Variants in BHLHE40 observed in about 807,000 individuals in gnomAD.
The protein encoded by BHLHE40 is basic helix-loop-helix family member e40, also known as class E basic helix-loop-helix protein 40.
Under a neutral mutation model 35.7 loss-of-function variants are expected in BHLHE40, and 3 were observed. The observed-to-expected ratio is 0.08, with a 90% CI of 0.04 to 0.22. The LOEUF is 0.22. Ranked by LOEUF, BHLHE40 falls within the 10% of genes least tolerant of loss-of-function variation. The pLI, the probability that BHLHE40 is intolerant of heterozygous loss-of-function variation, is 1.00. For missense variants in BHLHE40, 486 were observed against 524.0 expected, an observed-to-expected ratio of 0.93 and a Z score of 0.71; for synonymous variants, 236 against 213.0, an observed-to-expected ratio of 1.11 and a Z score of -0.94.
At chr3:4,980,665 G>A (rs920079232) in intron 3 of BHLHE40, among the ~76,000 whole-genome samples, 23 of 152,124 alleles carry the variant, frequency 1.5e-4, no homozygotes, top group African/African-American at 5.6e-4. Flanking sequence ...TTAACTTCTG[G>A]TGATTTTCAG....
Position 4,983,400 on chromosome 3 carries a change from C to A in BHLHE40, c.947C>A (p.Pro316Gln), listed in dbSNP as rs780871146. ...LISSPFLGPH[P>Q]HQPPFCLPFY... is the part of the protein sequence containing the mutation. ...AGCTCCCCGTTCCTGGGCCCACACCCACACCAGCCTCCTTTCTGCCTGCCC... is the reference window on the plus strand; with the variant it reads ...AGCTCCCCGTTCCTGGGCCCACACCAACACCAGCCTCCTTTCTGCCTGCCC... Residue 316 changes from proline (P) to glutamine (Q), a missense_variant, in exon 5 of 5, where the codon CCA becomes CAA. Physicochemically the swap from Pro to Gln is moderately conservative, Grantham distance 76. Coordinates refer to ENST00000256495, the MANE Select transcript of BHLHE40 (RefSeq NM_003670.3). This position sits in a 1 kb window ranked among gnomAD's most constrained non-coding sequence, Gnocchi z 5.0. The A allele has an allele frequency of 2.7e-5, 44 of 1,614,098 alleles. No homozygotes were observed. The highest frequency in any genetic ancestry group is 3.6e-5 in the Non-Finnish European group (43 of 1,180,048).
chr3:4,983,892 G>A lies in BHLHE40; in HGVS notation c.*200G>A. The stretch of plus-strand genomic sequence containing the variant: ...CGTGCACATGTGTGCCTGCGTGTTG[G>A]TATAGGACTTTAAAGCTCCTTTTGG... On this transcript the variant is annotated 3_prime_UTR_variant, in exon 5 of 5. Coordinates refer to ENST00000256495, the MANE Select transcript of BHLHE40 (RefSeq NM_003670.3). The surrounding 1 kb of genome is among the most constrained non-coding windows in gnomAD (Gnocchi z 5.0). 1.4e-6 allele frequency: 1 copy of A among 706,278 alleles called. No individual in the cohort carries two copies. Among genetic ancestry groups the A allele is most frequent in the Admixed American group, 3.3e-5 (1 of 30,454 alleles). The allele number at this position is 706,278 out of a possible 1,614,324, so 43.8% of individuals were successfully genotyped here.
At chr3:4,980,100 T>G in intron 2 of BHLHE40, 69 bp downstream of exon 2, 1 of 1,559,352 alleles carries the variant, frequency 6.4e-7, no homozygotes, top group Non-Finnish European at 8.8e-7. Context: ...AAGAAAAGTT[T>G]TCTCGCTTTG....
Position 4,979,686 on chromosome 3 carries a change from C to G in BHLHE40, c.-33C>G. The G allele has an allele frequency of 6.5e-7, 1 of 1,549,398 alleles. No homozygotes were observed. The highest frequency in any genetic ancestry group is 8.7e-7 in the Non-Finnish European group (1 of 1,146,304). On this transcript the variant is annotated 5_prime_UTR_variant, in exon 1 of 5. Transcript: ENST00000256495. ...CATCCAGACGCTCCGCTAGTGCAGA[C>G]AGGAGCGCGCAGTGGCCCCGGCTCG...
intron 3 of BHLHE40, 129 bp from the exon 4 acceptor site, chr3:4,981,263 A>G (rs1356648524): frequency 2.7e-6 from 3 of 1,117,848 alleles, no homozygotes; most frequent in Non-Finnish European, 2.5e-6. Context: ...TGACCTACAG[A>G]CTTAAAACAG....
rs1463604009 is a variant in BHLHE40 at position 4,983,852 on chromosome 3, G to GTGTGTGTA, written c.*163_*164insGTGTATGT. 1.2e-5 allele frequency: 11 copies of GTGTGTGTA among 951,636 alleles called. No individual in the cohort carries two copies. The highest frequency in any genetic ancestry group is 3.0e-4 in the Middle Eastern group (1 of 3,300). The allele number at this position is 951,636 out of a possible 1,614,324, so 58.9% of individuals were successfully genotyped here. On this transcript the variant is annotated 3_prime_UTR_variant, in exon 5 of 5. Coordinates refer to ENST00000256495, the MANE Select transcript of BHLHE40 (RefSeq NM_003670.3). This position sits in a 1 kb window ranked among gnomAD's most constrained non-coding sequence, Gnocchi z 5.0. ...AGGGTGTGTGTGTGTGTGTGTGTGTGTGTATGTGCGTGTGCGTGCACATGT... is the reference window on the plus strand; with the variant it reads ...AGGGTGTGTGTGTGTGTGTGTGTGTGTGTGTGTATGTATGTGCGTGTGCGTGCACATGT...
chr3:4,983,852 G>GTGTA lies in BHLHE40; in HGVS notation c.*164_*167dup. On this transcript the variant is annotated 3_prime_UTR_variant, in exon 5 of 5. Transcript: ENST00000256495. This position sits in a 1 kb window ranked among gnomAD's most constrained non-coding sequence, Gnocchi z 5.0. ...AGGGTGTGTGTGTGTGTGTGTGTGTGTGTATGTGCGTGTGCGTGCACATGT... is the reference window on the plus strand; with the variant it reads ...AGGGTGTGTGTGTGTGTGTGTGTGTGTGTATGTATGTGCGTGTGCGTGCACATGT... 7.4e-6 allele frequency: 7 copies of GTGTA among 951,728 alleles called. No individual in the cohort carries two copies. The highest frequency in any genetic ancestry group is 1.1e-5 in the Non-Finnish European group (7 of 655,330). The allele number at this position is 951,728 out of a possible 1,614,324, so 59.0% of individuals were successfully genotyped here.
At position 4,979,523 on chromosome 3, in the gene BHLHE40, G is replaced by C; in HGVS notation, c.-196G>C. Reference sequence around the variant, plus strand: ...GCTGAGTCGGAGCCAGAGGCCGCGGGGACACCGGGCCATGCACGCCCCCAA... The same window carrying C: ...GCTGAGTCGGAGCCAGAGGCCGCGGCGACACCGGGCCATGCACGCCCCCAA... On this transcript the variant is annotated 5_prime_UTR_variant, in exon 1 of 5. Transcript: ENST00000256495. The C allele has an allele frequency of 1.6e-6, 1 of 622,644 alleles. No homozygotes were observed. Among genetic ancestry groups the C allele is most frequent in the Non-Finnish European group, 2.8e-6 (1 of 357,310 alleles). 38.6% of individuals were successfully genotyped at this position (622,644 alleles called of 1,614,324 possible). A position where few individuals can be genotyped will look rare whatever the true frequency, so the allele number is the denominator to read the frequency against.
rs1031849851 is a variant in BHLHE40 at position 4,985,147 on chromosome 3, C to A, written c.*1455C>A. 5.9e-5 allele frequency: 9 copies of A among 152,452 alleles called. No homozygotes were observed. The East Asian group carries it at 1.7e-3, about 29-fold the overall frequency. 9.4% of individuals were successfully genotyped at this position (152,452 alleles called of 1,614,324 possible). ...AATGTTAAGTAGTTGTTTTAAAATA[C>A]TTAATAAAATAATTCTTTTCCTGTG... On this transcript the variant is annotated 3_prime_UTR_variant, in exon 5 of 5. Transcript: ENST00000256495.
Position 4,982,808 on chromosome 3 carries a change from G to A in BHLHE40, c.383-28G>A, listed in dbSNP as rs201532039. ...AGGTGCGCCACAGGCCTTCTGAAAC[G>A]TTTTCCTTCGGATTTTTCTTTCCCC... On this transcript the variant is annotated intron_variant, in intron 4 of 4. Transcript: ENST00000256495. The A allele has an allele frequency of 4.1e-5, 66 of 1,613,086 alleles. No homozygotes were observed. In the East Asian group the frequency reaches 6.0e-4, roughly 15 times the overall value.
At position 4,982,967 on chromosome 3, in the gene BHLHE40, G is replaced by C. The variant is rs2053210745; in HGVS notation, c.514G>C (p.Val172Leu). The change falls in exon 5 of 5, where the codon GTC becomes CTC. Residue 172 changes from valine to leucine, a missense_variant. This residue lies in a region of BHLHE40 where 176 missense variants were observed against 180.5 expected (regional missense o/e 0.98). Coordinates refer to ENST00000256495, the MANE Select transcript of BHLHE40 (RefSeq NM_003670.3). ...NTRDLKSSQL[V>L]THLHRVVSEL... is the part of the protein sequence containing the mutation. ...TCGGGACCTGAAGTCTTCGCAGCTT[G>C]TCACCCACCTCCACCGGGTGGTCTC... 1.2e-6 allele frequency: 2 copies of C among 1,613,414 alleles called. No individual in the cohort carries two copies. Among genetic ancestry groups the C allele is most frequent in the Non-Finnish European group, 1.7e-6 (2 of 1,179,436 alleles).
In BHLHE40 at chr3:4,980,284, C is replaced by T. The variant is rs758993481; in HGVS notation, c.151-17C>T. The stretch of plus-strand genomic sequence containing the variant: ...CTCCTTCCCCAAGCGCCCACCGCCT[C>T]CCCGTGCGTCTTGCAGGAGACCTAC... On this transcript the variant is annotated splice_polypyrimidine_tract_variant and intron_variant, in intron 2 of 4. Coordinates refer to ENST00000256495, the MANE Select transcript of BHLHE40 (RefSeq NM_003670.3). 3 of 1,610,524 alleles carry T rather than the reference C, an allele frequency of 1.9e-6. No individual in the cohort carries two copies. The South Asian group carries it at 3.3e-5, about 18-fold the overall frequency.
At position 4,979,745 on chromosome 3, in the gene BHLHE40, A is replaced by AC; in HGVS notation, c.33dup (p.Ala12ArgfsTer55). 6.4e-7 allele frequency: 1 copy of AC among 1,568,088 alleles called. No individual in the cohort carries two copies. ...TGGAGCGGATCCCCAGCGCGCAACC[A>AC]CCCCCCGCCTGCCTGCCCAAAGCAC... On this transcript the variant is annotated frameshift_variant, in exon 1 of 5. Transcript: ENST00000256495. LOFTEE classifies it high-confidence loss of function.
intron 4 of BHLHE40, among the ~76,000 whole-genome samples, chr3:4,981,787 C>A (rs965162075): frequency 3.3e-5 from 5 of 152,230 alleles, no homozygotes; most frequent in Non-Finnish European, 7.3e-5. Flanking sequence ...TCCCTACTCC[C>A]TTTTAAAATG....
chr3:4,982,987 G>C lies in BHLHE40; in HGVS notation c.534G>C (p.Val178=). 1 of 1,613,146 alleles carries C rather than the reference G, an allele frequency of 6.2e-7. No homozygotes were observed. The highest frequency in any genetic ancestry group is 8.5e-7 in the Non-Finnish European group (1 of 1,179,178). ...AGCTTGTCACCCACCTCCACCGGGT[G>C]GTCTCGGAGCTGCTGCAGGGTGGTA... ...SSQLVTHLHR[V]VSELLQGGTS... is the part of the protein sequence containing the mutation. The change falls in exon 5 of 5, where the codon GTG becomes GTC. Residue 178 remains valine, a synonymous_variant. Coordinates refer to ENST00000256495, the MANE Select transcript of BHLHE40 (RefSeq NM_003670.3).
In BHLHE40 at chr3:4,979,993, A is replaced by C. The variant is rs368966305; in HGVS notation, c.112A>C (p.Lys38Gln). The change falls in exon 2 of 5, where the codon AAG becomes CAG. Residue 38 changes from lysine (K) to glutamine (Q), a missense_variant. By Grantham distance (53) the Lys-to-Gln change is moderately conservative. Coordinates refer to ENST00000256495, the MANE Select transcript of BHLHE40 (RefSeq NM_003670.3). ...MYPAHMYQVY[K>Q]SRRGIKRSED... ...CCCTGCCCACATGTACCAAGTGTAC[A>C]AGTCAAGACGGGGAATAAAGCGGAG... is the stretch of plus-strand genomic sequence containing the variant. The C allele has an allele frequency of 6.2e-7, 1 of 1,614,076 alleles. No homozygotes were observed. Among genetic ancestry groups the C allele is most frequent in the African/African-American group, 1.3e-5 (1 of 74,930 alleles).
Position 4,981,387 on chromosome 3 carries a change from T to C in BHLHE40, c.259-5T>C. 1 of 1,613,724 alleles carries C rather than the reference T, an allele frequency of 6.2e-7. No homozygotes were observed. Among genetic ancestry groups the C allele is most frequent in the Non-Finnish European group, 8.5e-7 (1 of 1,179,826 alleles). On this transcript the variant is annotated splice_polypyrimidine_tract_variant and splice_region_variant and intron_variant, in intron 3 of 4. Transcript: ENST00000256495. ...CACCGCTGACTAAGGCTCTTTTCCT[T>C]CCAGACTTTGGGTCACTTGGAAAAA...
At chr3:4,981,180 A>ATG (rs2053191886) in intron 3 of BHLHE40, among the ~76,000 whole-genome samples, 6 of 7,898 alleles carry the variant, frequency 7.6e-4, no homozygotes, top group Non-Finnish European at 7.0e-4. Context: ...TATATTATAT[A>ATG]TATATACACA....
chr3:4,983,114 C>T lies in BHLHE40; in HGVS notation c.661C>T (p.Pro221Ser), dbSNP rs2053214075. The stretch of plus-strand genomic sequence containing the variant: ...GGAAGGTCCTGGGAAAAACTGCGTG[C>T]CAGTCATCCAGCGGACTTTCGCTCA... ...GSEGPGKNCVPVIQRTFAHSS... is the reference protein window; with the variant it reads ...GSEGPGKNCVSVIQRTFAHSS... Residue 221 changes from proline to serine, a missense_variant, in exon 5 of 5, where the codon CCA becomes TCA. Physicochemically the swap from Pro to Ser is moderately conservative, Grantham distance 74. Transcript: ENST00000256495. This position sits in a 1 kb window ranked among gnomAD's most constrained non-coding sequence, Gnocchi z 5.0. 6.2e-7 allele frequency: 1 copy of T among 1,614,110 alleles called. No individual in the cohort carries two copies. Among genetic ancestry groups the T allele is most frequent in the South Asian group, 1.1e-5 (1 of 91,078 alleles).
Sources: gnomAD v4.1 joint callset for allele counts (sites outside exome capture counted in the v4.1 genomes callset) on GRCh38, gnomAD v4.1.1 for gene constraint, gnomAD v4.1.1 regional missense constraint, Gnocchi (gnomAD v3.1) non-coding constraint, MANE v1.5 for transcripts, NCBI Gene and HGNC (gene_info 2026-07-23, HGNC 2026-07-21) for gene names.